Variants in IL1RAPL1 observed in about 807,000 individuals in gnomAD.
The protein encoded by IL1RAPL1 is interleukin-1 receptor accessory protein-like 1.
In IL1RAPL1, 3 loss-of-function variants were observed where a neutral mutation model predicts 48.4. The ratio of observed to expected loss-of-function variants is 0.06; its 90% CI spans 0.03 to 0.16. The LOEUF (loss-of-function observed/expected upper bound fraction) is 0.16. IL1RAPL1 is among the 10% of genes least tolerant of loss of function. IL1RAPL1 has a pLI of 1.00. For synonymous variants in IL1RAPL1, 185 were observed against 187.7 expected (o/e 0.99, Z 0.12); for missense variants, 349 against 530.6 (o/e 0.66, Z 3.36).
chrX:29,395,547 G>T (rs1363370730), intron 3 of IL1RAPL1, among the ~76,000 whole-genome samples: 1 of 111,767 alleles, frequency 8.9e-6, no homozygotes, highest in African/African-American at 3.3e-5. Context: ...AGAAAAAAGA[G>T]ATGCTTATTT....
chrX:29,893,299 C>T (rs574211281), intron 6 of IL1RAPL1, among the ~76,000 whole-genome samples: 1 of 111,499 alleles, frequency 9.0e-6, no homozygotes, highest in Middle Eastern at 4.7e-3. Flanking sequence ...AAAAGATAGG[C>T]TTCTATTTTG....
chrX:28,876,343 C>A (rs1035437385), intron 2 of IL1RAPL1, among the ~76,000 whole-genome samples: 23 of 112,014 alleles, frequency 2.1e-4, no homozygotes, highest in African/African-American at 7.5e-4. Context: ...TTTCTGTCCA[C>A]AACTCTTTGG....
chrX:29,203,674 G>A (rs1424464813), intron 2 of IL1RAPL1, among the ~76,000 whole-genome samples: 4 of 103,460 alleles, frequency 3.9e-5, no homozygotes, highest in African/African-American at 1.1e-4. Flanking sequence ...AGCTGAGATC[G>A]TACCATTGCA....
chrX:28,830,006 A>G (rs751144370), intron 2 of IL1RAPL1, among the ~76,000 whole-genome samples: 3 of 111,206 alleles, frequency 2.7e-5, no homozygotes, highest in South Asian at 3.8e-4. Context: ...TGGTCATAAT[A>G]TATGCTTTTT....
intron 6 of IL1RAPL1, among the ~76,000 whole-genome samples, chrX:29,754,388 TACTCAAA>T (rs1241582282): frequency 9.0e-6 from 1 of 111,681 alleles, no homozygotes; most frequent in Non-Finnish European, 1.9e-5. Context: ...ACTGAAATGC[TACTCAAA>T]ACTCTATTCT....
In IL1RAPL1 at chrX:29,203,172, G is replaced by A. The variant is rs1238446381; in HGVS notation, c.83-79766G>A. On this transcript the variant is annotated intron_variant, in intron 2 of 10. Transcript: ENST00000378993. ...GGGGAAGGAGGGAAATTTGTCCAAT[G>A]TGATTGGACCATCTATATGTGGTCA... Among the ~76,000 whole-genome samples the A allele has an allele frequency of 1.5e-4, 17 of 111,295 alleles. No homozygotes were observed. The Admixed American group carries it at 1.6e-3, about 11-fold the overall frequency.
chrX:29,918,123 C>CAAAAAAAAA (rs781348669), intron 7 of IL1RAPL1, among the ~76,000 whole-genome samples: 2 of 7,818 alleles, frequency 2.6e-4, no homozygotes, highest in African/African-American at 6.5e-4. Context: ...ACTCTGTCTC[C>CAAAAAAAAA]AAAAAAAAAA....
chrX:29,158,931 TCCCCCCCCCTCCCTCC>T (rs1929622922), intron 2 of IL1RAPL1, among the ~76,000 whole-genome samples: 15 of 55,644 alleles, frequency 2.7e-4, no homozygotes, highest in African/African-American at 1.0e-3. Context: ...TCTCTCTCTC[TCCCCCCCCCTCCCTCC>T]CTCTCCCTCT....
intron 3 of IL1RAPL1, among the ~76,000 whole-genome samples, chrX:29,311,179 T>G (rs1569282608): frequency 8.9e-6 from 1 of 112,260 alleles, no homozygotes; most frequent in Non-Finnish European, 1.9e-5. Context: ...ATCTTATAAT[T>G]ATTCTTACCA....
rs112560423 is a variant in IL1RAPL1 at position 29,044,191 on chromosome X, G to GT, written c.83-238747_83-238746insT. Among the ~76,000 whole-genome samples, 557 of 111,064 alleles carry GT rather than the reference G, an allele frequency of 5.0e-3. 4 individuals are homozygous for GT. Among genetic ancestry groups the GT allele is most frequent in the African/African-American group, 0.015 (466 of 30,485 alleles). The stretch of plus-strand genomic sequence containing the variant: ...TTATGCCTGTAATCCTAGCACTTTG[G>GT]GAGGCCAAGGCAGGTGGATCACTTG... On this transcript the variant is annotated intron_variant, in intron 2 of 10. Coordinates refer to ENST00000378993, the MANE Select transcript of IL1RAPL1 (RefSeq NM_014271.4).
At chrX:29,240,224 A>ATATAT (rs1370970751) in intron 2 of IL1RAPL1, among the ~76,000 whole-genome samples, 15 of 13,348 alleles carry the variant, frequency 1.1e-3, no homozygotes, top group African/African-American at 4.8e-3. Flanking sequence ...ATATATATAT[A>ATATAT]TTTTTTTTTT....
intron 5 of IL1RAPL1, among the ~76,000 whole-genome samples, chrX:29,655,587 C>A (rs1308997455): frequency 1.0e-5 from 1 of 97,218 alleles, no homozygotes; most frequent in Non-Finnish European, 2.0e-5. Flanking sequence ...TGCTTGAACC[C>A]GGGAGACGGA....
chrX:28,964,164 T>C (rs1238013405), intron 2 of IL1RAPL1, among the ~76,000 whole-genome samples: 1 of 111,609 alleles, frequency 9.0e-6, no homozygotes, highest in Non-Finnish European at 1.9e-5. Flanking sequence ...TAGAATGGTA[T>C]AACATAAGAA....
intron 6 of IL1RAPL1, among the ~76,000 whole-genome samples, chrX:29,781,116 C>T (rs1422001139): frequency 8.9e-6 from 1 of 111,952 alleles, no homozygotes; most frequent in Non-Finnish European, 1.9e-5. Context: ...GCCAATCACA[C>T]CGATAACTTC....
At chrX:29,105,996 G>T (rs1362842057) in intron 2 of IL1RAPL1, among the ~76,000 whole-genome samples, 3 of 112,212 alleles carry the variant, frequency 2.7e-5, no homozygotes, top group Non-Finnish European at 5.6e-5. Context: ...CTCAAGGCAA[G>T]ATATAATTCT....
rs569302882 is a variant in IL1RAPL1, at chrX:28,709,296, A to G, written c.-24-80024A>G. Among the ~76,000 whole-genome samples, 28 of 112,554 alleles carry G rather than the reference A, an allele frequency of 2.5e-4. 1 individual carries two copies. In the South Asian group the frequency reaches 9.5e-3, roughly 38 times the overall value. ...CAGCCCCAAATGTTCCACATATTAT[A>G]TAATTCAGTCAATCATCATTACAAA... is the stretch of plus-strand genomic sequence containing the variant. On this transcript the variant is annotated intron_variant, in intron 1 of 10. Transcript: ENST00000378993.
At chrX:29,217,756 TTCTCTC>T (rs752532448) in intron 2 of IL1RAPL1, among the ~76,000 whole-genome samples, 1,027 of 88,116 alleles carry the variant, frequency 0.012, 9 homozygotes, top group African/African-American at 0.036. Flanking sequence ...TATACATTTT[TTCTCTC>T]TCTCTCTCTC....
rs201299964 is a variant in IL1RAPL1 at position 29,080,994 on chromosome X, TTCTCTCTC to T, written c.83-201924_83-201917del. 4.3e-3 allele frequency among the ~76,000 whole-genome samples: 113 copies of T among 26,435 alleles called. 2 individuals are homozygous for T. Among genetic ancestry groups the T allele is most frequent in the African/African-American group, 0.011 (100 of 9,206 alleles). 23.0% of individuals were successfully genotyped at this position (26,435 alleles called of 115,157 possible). A position where few individuals can be genotyped will look rare whatever the true frequency, so the allele number is the denominator to read the frequency against. On this transcript the variant is annotated intron_variant, in intron 2 of 10. Coordinates refer to ENST00000378993, the MANE Select transcript of IL1RAPL1 (RefSeq NM_014271.4). Reference sequence around the variant, plus strand: ...TTTCTTTCTTTCTTTCTTTCTTTCTTTCTCTCTCTCTCTCTCTCTCTCTCTCTTTCTTT... The same window carrying T: ...TTTCTTTCTTTCTTTCTTTCTTTCTTTCTCTCTCTCTCTCTCTCTTTCTTT...
At chrX:29,434,106 A>T (rs868011719) in intron 5 of IL1RAPL1, among the ~76,000 whole-genome samples, 11 of 103,356 alleles carry the variant, frequency 1.1e-4, no homozygotes, top group Admixed American at 6.0e-4. Context: ...GTATTTTTTT[A>T]AAAAATTAAA....
Sources: gnomAD v4.1 joint callset for allele counts (sites outside exome capture counted in the v4.1 genomes callset) on GRCh38, gnomAD v4.1.1 for gene constraint, MANE v1.5 for transcripts, NCBI Gene and HGNC (gene_info 2026-07-23, HGNC 2026-07-21) for gene names.